The following ACAP2 variants were observed in gnomAD, a reference collection of about 807,000 sequenced individuals.
ACAP2 encodes ArfGAP with coiled-coil, ankyrin repeat and PH domains 2, also known as arf-GAP with coiled-coil, ANK repeat and PH domain-containing protein 2.
Under a neutral mutation model 115.8 loss-of-function variants are expected in ACAP2, and 39 were observed. The observed-to-expected ratio is 0.34, with a 90% CI of 0.26 to 0.44. The LOEUF is 0.44. Ranked by LOEUF, ACAP2 falls within the 20% of genes least tolerant of loss-of-function variation. The probability of loss-of-function intolerance (pLI) is 1.00; values close to 1 mark genes in which losing one functional copy is unlikely to be tolerated. For missense variants in ACAP2, 662 were observed against 927.6 expected, an observed-to-expected ratio of 0.71 and a Z score of 3.72; for synonymous variants, 289 against 315.8, an observed-to-expected ratio of 0.92 and a Z score of 0.90.
At chr3:195,324,307 C>T (rs1015194522) in intron 9 of ACAP2, among the ~76,000 whole-genome samples, 19 of 152,044 alleles carry the variant, frequency 1.2e-4, no homozygotes, top group South Asian at 4.1e-4. Flanking sequence ...AAATGGGCCT[C>T]ACATATATGG....
At chr3:195,431,181 C>T (rs1487794393) in intron 1 of ACAP2, among the ~76,000 whole-genome samples, 1 of 152,100 alleles carries the variant, frequency 6.6e-6, no homozygotes, top group African/African-American at 2.4e-5. Flanking sequence ...TAAAATGTTT[C>T]CAAGGTTCAT....
intron 7 of ACAP2, among the ~76,000 whole-genome samples, chr3:195,335,159 C>T (rs932725761): frequency 2.0e-5 from 3 of 152,072 alleles, no homozygotes; most frequent in African/African-American, 7.2e-5. Flanking sequence ...TATTGGAACA[C>T]AGTCATAGCC....
chr3:195,392,020 C>T (rs2108772771), intron 2 of ACAP2, 70 bp downstream of exon 2: 1 of 1,232,440 alleles, frequency 8.1e-7, no homozygotes, highest in Non-Finnish European at 1.2e-6. Flanking sequence ...AGACCTACTA[C>T]TGTAGGTACT....
intron 1 of ACAP2, among the ~76,000 whole-genome samples, chr3:195,432,287 A>T (rs749317849): frequency 9.9e-5 from 15 of 152,170 alleles, no homozygotes; most frequent in Non-Finnish European, 1.6e-4. Context: ...CAAAGATTTA[A>T]TTCTGTTTTC....
intron 21 of ACAP2, among the ~76,000 whole-genome samples, chr3:195,287,515 G>A (rs1313114200): frequency 2.6e-5 from 4 of 151,724 alleles, no homozygotes; most frequent in Non-Finnish European, 4.4e-5. Context: ...ACAGGGCCTC[G>A]CTATGTTGCC....
At chr3:195,436,088 C>T (rs754597476) in intron 1 of ACAP2, among the ~76,000 whole-genome samples, 1 of 150,344 alleles carries the variant, frequency 6.7e-6, no homozygotes, top group Non-Finnish European at 1.5e-5. Flanking sequence ...TTTTTATACA[C>T]ATACACACAC....
intron 22 of ACAP2, among the ~76,000 whole-genome samples, chr3:195,281,974 C>T (rs1277171141): frequency 6.6e-6 from 1 of 152,020 alleles, no homozygotes; most frequent in Non-Finnish European, 1.5e-5. Flanking sequence ...AAGATTTTAC[C>T]ATTCAACACT....
intron 4 of ACAP2, among the ~76,000 whole-genome samples, chr3:195,346,132 A>C (rs2108657214): frequency 6.6e-6 from 1 of 152,266 alleles, no homozygotes; most frequent in East Asian, 1.9e-4. Flanking sequence ...CTACATACAC[A>C]CATTCCCCAG....
intron 1 of ACAP2, among the ~76,000 whole-genome samples, chr3:195,427,624 T>C (rs1467664437): frequency 2.0e-5 from 3 of 152,134 alleles, no homozygotes; most frequent in Non-Finnish European, 4.4e-5. Context: ...TCTAAACATA[T>C]CTAGGCCGGA....
chr3:195,359,166 C>T (rs1732181411), intron 4 of ACAP2, among the ~76,000 whole-genome samples: 1 of 152,120 alleles, frequency 6.6e-6, no homozygotes, highest in Admixed American at 6.5e-5. Context: ...CAGACCTGTC[C>T]TACAAGAAAT....
At chr3:195,315,897 T>C (rs1729057720) in intron 10 of ACAP2, among the ~76,000 whole-genome samples, 1 of 152,232 alleles carries the variant, frequency 6.6e-6, no homozygotes, top group African/African-American at 2.4e-5. Flanking sequence ...AAAAGGTTCA[T>C]GTATAAATCA....
At chr3:195,377,174 TCAC>T (rs1395131681) in intron 4 of ACAP2, among the ~76,000 whole-genome samples, 34 of 120,776 alleles carry the variant, frequency 2.8e-4, no homozygotes, top group Non-Finnish European at 5.0e-4. Flanking sequence ...AAACAAGGTC[TCAC>T]TGTGTCACTC....
At chr3:195,367,803 A>C (rs1304436512) in intron 4 of ACAP2, among the ~76,000 whole-genome samples, 1 of 152,122 alleles carries the variant, frequency 6.6e-6, no homozygotes, top group Non-Finnish European at 1.5e-5. Flanking sequence ...AAAGGGTGAA[A>C]GAAGCTCAGC....
chr3:195,289,014 T>C, intron 21 of ACAP2, 107 bp downstream of exon 21: 1 of 746,870 alleles, frequency 1.3e-6, no homozygotes. Context: ...CATGAGCATA[T>C]GTGGATGTTG....
Position 195,301,996 on chromosome 3 carries a change from G to A in ACAP2, c.1295C>T (p.Thr432Ile). The A allele has an allele frequency of 3.7e-6, 6 of 1,613,690 alleles. No homozygotes were observed. Among genetic ancestry groups the A allele is most frequent in the Non-Finnish European group, 5.1e-6 (6 of 1,180,032 alleles). Residue 432 changes from threonine to isoleucine, a missense_variant, in exon 14 of 23, where the codon ACC becomes ATC. This residue lies in a region of ACAP2 where 401 missense variants were observed against 604.4 expected (regional missense o/e 0.66). Coordinates refer to ENST00000326793, the MANE Select transcript of ACAP2 (RefSeq NM_012287.6). ...AATTCCGGAGCACTCGATACACAAGGTGATGCCCAGGTTGATGCTGGCCCA... is the reference window on the plus strand; with the variant it reads ...AATTCCGGAGCACTCGATACACAAGATGATGCCCAGGTTGATGCTGGCCCA... ...PRWASINLGI[T>I]LCIECSGIHR...
Position 195,442,851 on chromosome 3 carries a change from G to A in ACAP2, c.-4C>T. The A allele has an allele frequency of 2.0e-6, 3 of 1,515,596 alleles. No individual in the cohort carries two copies. The East Asian group carries it at 8.4e-5, about 42-fold the overall frequency. The allele number at this position is 1,515,596 out of a possible 1,614,324, so 93.9% of individuals were successfully genotyped here. ...CGAAATCCACAGTCATCTTCATCCT[G>A]CCTCCGCCTCGCAGGCGGCGCTGGC... On this transcript the variant is annotated 5_prime_UTR_variant, in exon 1 of 23. Transcript: ENST00000326793.
At chr3:195,378,070 G>GGA (rs761108259) in intron 4 of ACAP2, among the ~76,000 whole-genome samples, 3 of 143,498 alleles carry the variant, frequency 2.1e-5, no homozygotes, top group African/African-American at 8.1e-5. Context: ...GAGGGAGGGA[G>GGA]GGAGGAAGGG....
intron 1 of ACAP2, among the ~76,000 whole-genome samples, chr3:195,425,702 A>C (rs1714632319): frequency 2.0e-5 from 3 of 152,120 alleles, no homozygotes; most frequent in South Asian, 2.1e-4. Context: ...TCCAAAAAAA[A>C]CCTATTCTTC....
intron 1 of ACAP2, among the ~76,000 whole-genome samples, chr3:195,397,824 C>T (rs939295833): frequency 6.6e-6 from 1 of 152,026 alleles, no homozygotes; most frequent in Non-Finnish European, 1.5e-5. Flanking sequence ...AGAAAATGCA[C>T]AATCTCTTTT....
Sources: allele counts gnomAD v4.1 joint callset (sites outside exome capture counted in the v4.1 genomes callset), GRCh38; gene constraint gnomAD v4.1.1; regional missense constraint gnomAD v4.1.1; transcripts MANE v1.5; gene names NCBI Gene and HGNC (gene_info 2026-07-23, HGNC 2026-07-21).